SPOCK3: variants seen among roughly 807,000 people sequenced by gnomAD.
The protein encoded by SPOCK3 is testican-3.
Under a neutral mutation model 56.6 loss-of-function variants are expected in SPOCK3, and 30 were observed. The ratio of observed to expected loss-of-function variants is 0.53; its 90% CI spans 0.40 to 0.72. The LOEUF is 0.72. SPOCK3 is among the 30% of genes least tolerant of loss of function. The pLI is 0.00. For synonymous variants in SPOCK3, 196 were observed against 183.3 expected, an observed-to-expected ratio of 1.07 and a Z score of -0.56; for missense variants, 527 against 530.0, an observed-to-expected ratio of 0.99 and a Z score of 0.06.
At chr4:166,768,619 A>AT (rs1388057614) in intron 7 of SPOCK3, among the ~76,000 whole-genome samples, 2 of 152,032 alleles carry the variant, frequency 1.3e-5, no homozygotes, top group Non-Finnish European at 2.9e-5. Flanking sequence ...TGCCCTTAAC[A>AT]TTTTTTCCTT....
intron 9 of SPOCK3, among the ~76,000 whole-genome samples, chr4:166,738,552 C>T (rs968670864): frequency 6.7e-6 from 1 of 150,034 alleles, no homozygotes; most frequent in African/African-American, 2.5e-5. Context: ...ATGTGCCATG[C>T]TGCTGTGCTG....
intron 4 of SPOCK3, among the ~76,000 whole-genome samples, chr4:166,961,108 AAAG>A (rs1744096803): frequency 2.0e-5 from 3 of 152,184 alleles, no homozygotes; most frequent in Non-Finnish European, 4.4e-5. Context: ...TCATACAATA[AAAG>A]AAGAAAACAT....
intron 2 of SPOCK3, among the ~76,000 whole-genome samples, chr4:167,103,452 A>G (rs538015421): frequency 6.6e-6 from 1 of 152,160 alleles, no homozygotes; most frequent in Non-Finnish European, 1.5e-5. Context: ...GAGCATCAGC[A>G]CTAGCCTGGC....
intron 2 of SPOCK3, among the ~76,000 whole-genome samples, chr4:167,121,032 A>T (rs1306146323): frequency 6.6e-6 from 1 of 151,758 alleles, no homozygotes; most frequent in African/African-American, 2.4e-5. Flanking sequence ...GGATTTTGAT[A>T]GTTATTCTGC....
intron 3 of SPOCK3, chr4:167,011,437 T>C (rs1750055823): frequency 4.9e-6 from 1 of 203,984 alleles, no homozygotes. Context: ...ACCTCTACTT[T>C]GTATTGTTAC....
chr4:166,987,939 G>C (rs1747344859), intron 4 of SPOCK3, among the ~76,000 whole-genome samples: 1 of 152,128 alleles, frequency 6.6e-6, no homozygotes, highest in Non-Finnish European at 1.5e-5. Context: ...AAGGTAAAGA[G>C]AGGGTATGGA....
At chr4:167,067,315 C>T (rs537021712) in intron 2 of SPOCK3, among the ~76,000 whole-genome samples, 217 of 151,918 alleles carry the variant, frequency 1.4e-3, no homozygotes, top group Non-Finnish European at 2.5e-3. Context: ...GTCTACTGAA[C>T]ACAATTTTGT....
intron 7 of SPOCK3, among the ~76,000 whole-genome samples, chr4:166,762,265 A>G (rs989243236): frequency 6.6e-6 from 1 of 152,086 alleles, no homozygotes; most frequent in Non-Finnish European, 1.5e-5. Flanking sequence ...ATTACCTTGA[A>G]GCAAATTTTT....
At chr4:167,155,475 A>G (rs1292311333) in intron 2 of SPOCK3, among the ~76,000 whole-genome samples, 1 of 152,210 alleles carries the variant, frequency 6.6e-6, no homozygotes, top group Admixed American at 6.5e-5. Flanking sequence ...AATATTCCCA[A>G]GTTAAAACTA....
intron 4 of SPOCK3, among the ~76,000 whole-genome samples, chr4:166,947,795 A>T (rs1309706968): frequency 1.3e-5 from 2 of 152,198 alleles, no homozygotes; most frequent in African/African-American, 4.8e-5. Context: ...ATAAATGTAT[A>T]TATTGTTTAA....
At chr4:167,021,007 A>C (rs938651589) in intron 3 of SPOCK3, among the ~76,000 whole-genome samples, 1 of 152,038 alleles carries the variant, frequency 6.6e-6, no homozygotes, top group African/African-American at 2.4e-5. Flanking sequence ...TAAAGTACTG[A>C]CTTTTCCTGA....
At chr4:166,972,189 A>T (rs1400373197) in intron 4 of SPOCK3, among the ~76,000 whole-genome samples, 1 of 152,168 alleles carries the variant, frequency 6.6e-6, no homozygotes, top group East Asian at 1.9e-4. Context: ...TAGCAGATTG[A>T]TAGCACAAAT....
At chr4:166,767,299 C>A (rs1030306280) in intron 7 of SPOCK3, among the ~76,000 whole-genome samples, 1 of 151,574 alleles carries the variant, frequency 6.6e-6, no homozygotes, top group African/African-American at 2.4e-5. Context: ...AATTTTAGCT[C>A]TTTCCTGCTT....
chr4:167,222,592 AAT>A (rs1202900595), intron 2 of SPOCK3, among the ~76,000 whole-genome samples: 7 of 142,692 alleles, frequency 4.9e-5, no homozygotes, highest in Admixed American at 7.3e-5. Context: ...ATGAATATAT[AAT>A]ATATACACAT....
intron 2 of SPOCK3, among the ~76,000 whole-genome samples, chr4:167,113,050 A>G (rs540560463): frequency 6.6e-6 from 1 of 152,206 alleles, no homozygotes; most frequent in Admixed American, 6.6e-5. Context: ...AGCAGCAGGT[A>G]GAAAGAATCA....
In SPOCK3 at chr4:166,843,310, C is replaced by T. The variant is rs751472768; in HGVS notation, c.589+45820G>A. Among the ~76,000 whole-genome samples, 11 of 152,320 alleles carry T rather than the reference C, an allele frequency of 7.2e-5. No homozygotes were observed. In the East Asian group the frequency reaches 7.7e-4, roughly 11 times the overall value. On this transcript the variant is annotated intron_variant, in intron 6 of 10. Transcript: ENST00000357545. ...GCCGAGGCAGAGGAGGCGCTGAGAG[C>T]GAGCGACGGCCACCAGCACATTGTC...
intron 2 of SPOCK3, among the ~76,000 whole-genome samples, chr4:167,168,310 A>G (rs1448970272): frequency 1.3e-5 from 2 of 152,162 alleles, no homozygotes; most frequent in African/African-American, 2.4e-5. Context: ...AGGGCTCACA[A>G]GAAGATAGGA....
chr4:166,915,226 TG>T (rs1376159725), intron 4 of SPOCK3, among the ~76,000 whole-genome samples: 18 of 152,220 alleles, frequency 1.2e-4, no homozygotes, highest in African/African-American at 3.6e-4. Flanking sequence ...TCCTAGATGA[TG>T]AGTTGATAGG....
intron 6 of SPOCK3, among the ~76,000 whole-genome samples, chr4:166,873,104 T>A (rs1732657349): frequency 6.6e-6 from 1 of 151,448 alleles, no homozygotes; most frequent in Non-Finnish European, 1.5e-5. Context: ...AGCCCTCACC[T>A]CCCAACACCA....
Sources: allele counts gnomAD v4.1 joint callset (sites outside exome capture counted in the v4.1 genomes callset), GRCh38; gene constraint gnomAD v4.1.1; transcripts MANE v1.5; gene names NCBI Gene and HGNC (gene_info 2026-07-23, HGNC 2026-07-21).